The following MYBPH variants were observed in gnomAD, a reference collection of about 807,000 sequenced individuals.
The protein encoded by MYBPH is myosin binding protein H, also known as myosin-binding protein H.
A neutral mutation model predicts 53.6 loss-of-function variants in MYBPH; 49 were observed. That is an observed-to-expected ratio of 0.91 (90% confidence interval 0.73 to 1.16). The LOEUF is 1.16. MYBPH is among the 50% of genes most tolerant of loss of function. The probability of loss-of-function intolerance (pLI) is 0.00; values close to 1 mark genes in which losing one functional copy is unlikely to be tolerated. For missense variants in MYBPH, 558 were observed against 624.1 expected, an observed-to-expected ratio of 0.89 and a Z score of 1.13; for synonymous variants, 239 against 249.6, an observed-to-expected ratio of 0.96 and a Z score of 0.40.
intron 3 of MYBPH, among the ~76,000 whole-genome samples, chr1:203,172,308 G>T (rs773117756): frequency 6.6e-6 from 1 of 152,104 alleles, no homozygotes; most frequent in Non-Finnish European, 1.5e-5. Context: ...CTCCCTTGGC[G>T]CCTCGACTCT....
Position 203,175,802 on chromosome 1 carries a change from G to T in MYBPH, c.-47C>A, listed in dbSNP as rs763638152. The stretch of plus-strand genomic sequence containing the variant: ...AGGGTGGAGTGTGCAGGGGTCAGCC[G>T]TTGGGGGGCCTGGGCCTCTAGGGTG... On this transcript the variant is annotated 5_prime_UTR_variant, in exon 1 of 11. Coordinates refer to ENST00000255416, the MANE Select transcript of MYBPH (RefSeq NM_004997.3). The T allele has an allele frequency of 1.3e-6, 2 of 1,597,416 alleles. No individual in the cohort carries two copies. Among genetic ancestry groups the T allele is most frequent in the Non-Finnish European group, 1.7e-6 (2 of 1,169,198 alleles).
chr1:203,171,546 G>A lies in MYBPH; in HGVS notation c.630C>T (p.His210=). Residue 210 remains histidine, a synonymous_variant, in exon 5 of 11, where the codon CAC becomes CAT. Transcript: ENST00000255416. The surrounding 1 kb of genome is among the most constrained non-coding windows in gnomAD (Gnocchi z 4.2). ...GKPKPQATWT[H]NGHALDSQRV... ...GCTGGCTGTCCAGGGCATGGCCGTTGTGGGTCCATGTGGCCTGAGGCTTAG... is the reference window on the plus strand; with the variant it reads ...GCTGGCTGTCCAGGGCATGGCCGTTATGGGTCCATGTGGCCTGAGGCTTAG... 1 of 1,613,204 alleles carries A rather than the reference G, an allele frequency of 6.2e-7. No homozygotes were observed. Among genetic ancestry groups the A allele is most frequent in the Non-Finnish European group, 8.5e-7 (1 of 1,179,870 alleles).
intron 8 of MYBPH, 34 bp downstream of exon 8, chr1:203,169,219 C>G (rs377238942): frequency 6.3e-7 from 1 of 1,582,616 alleles, no homozygotes; most frequent in African/African-American, 1.3e-5. Context: ...CCTGCCCCCA[C>G]CAGCCCAGGG....
At chr1:203,173,204 G>C (rs911160981) in intron 3 of MYBPH, among the ~76,000 whole-genome samples, 1 of 152,220 alleles carries the variant, frequency 6.6e-6, no homozygotes, top group Non-Finnish European at 1.5e-5. Context: ...GGCCTCAGGG[G>C]CCTCTCAGAG....
intron 10 of MYBPH, 129 bp downstream of exon 10, chr1:203,168,498 T>A: frequency 1.1e-6 from 1 of 881,868 alleles, no homozygotes; most frequent in South Asian, 1.4e-5. Flanking sequence ...TAGTTGCCTG[T>A]GTCCACAAGT....
chr1:203,173,432 G>T (rs1339273202), intron 3 of MYBPH, among the ~76,000 whole-genome samples: 1 of 152,234 alleles, frequency 6.6e-6, no homozygotes, highest in Non-Finnish European at 1.5e-5. Flanking sequence ...GAGTGGTCCT[G>T]TGTAGGCATC....
chr1:203,171,893 C>T lies in MYBPH; in HGVS notation c.597+59G>A, dbSNP rs892793989. On this transcript the variant is annotated intron_variant, in intron 4 of 10. Transcript: ENST00000255416. This position sits in a 1 kb window ranked among gnomAD's most constrained non-coding sequence, Gnocchi z 4.2. ...AGACCCTGCCATCTCCCAGGCTCCCCTTAAATGGGGGCCCTGGTTCCCACC... is the reference window on the plus strand; with the variant it reads ...AGACCCTGCCATCTCCCAGGCTCCCTTTAAATGGGGGCCCTGGTTCCCACC... 3.5e-6 allele frequency: 4 copies of T among 1,148,670 alleles called. No homozygotes were observed. In the African/African-American group the frequency reaches 6.4e-5, roughly 18 times the overall value. The allele number at this position is 1,148,670 out of a possible 1,614,324, so 71.2% of individuals were successfully genotyped here.
At chr1:203,172,623 C>T (rs755144706) in intron 3 of MYBPH, among the ~76,000 whole-genome samples, 1 of 152,202 alleles carries the variant, frequency 6.6e-6, no homozygotes, top group Non-Finnish European at 1.5e-5. Context: ...TCCTCTGTCA[C>T]CCTCCCAAAA....
chr1:203,170,980 C>T, intron 6 of MYBPH, 81 bp downstream of exon 6: 8 of 1,503,032 alleles, frequency 5.3e-6, no homozygotes, highest in Non-Finnish European at 5.3e-6. Context: ...TAGACTCGGT[C>T]CCTAGACTCA....
chr1:203,172,173 G>A (rs1655713707), intron 3 of MYBPH, 133 bp from the exon 4 acceptor site: 1 of 474,020 alleles, frequency 2.1e-6, no homozygotes, highest in East Asian at 3.5e-5. Flanking sequence ...GCTGCCATGG[G>A]GTCCCTCCTT....
chr1:203,172,100 G>T, intron 3 of MYBPH, 60 bp from the exon 4 acceptor site: 1 of 1,085,482 alleles, frequency 9.2e-7, no homozygotes, highest in Non-Finnish European at 1.2e-6. Flanking sequence ...TGGGGTTTCT[G>T]AGATGGGGCA....
At position 203,168,967 on chromosome 1, in the gene MYBPH, G is replaced by C. The variant is rs765166441; in HGVS notation, c.1356C>G (p.Tyr452Ter). 2.5e-6 allele frequency: 4 copies of C among 1,613,902 alleles called. No individual in the cohort carries two copies. The East Asian group carries it at 8.9e-5, about 36-fold the overall frequency. ...RKPSPFDSGV[Y>*]TCKAINVLGE... is the part of the protein sequence containing the mutation. The stretch of plus-strand genomic sequence containing the variant: ...CCAGCACATTTATGGCCTTGCAGGT[G>C]TAGACCCCAGAATCAAAGGGGCTGG... Residue 452 changes from tyrosine to a stop codon, truncating the protein, a stop_gained, in exon 9 of 11, where the codon TAC becomes TAG. Transcript: ENST00000255416. LOFTEE classifies it high-confidence loss of function.
chr1:203,174,414 C>A lies in MYBPH; in HGVS notation c.508+16G>T. On this transcript the variant is annotated intron_variant, in intron 3 of 10. Coordinates refer to ENST00000255416, the MANE Select transcript of MYBPH (RefSeq NM_004997.3). Reference sequence around the variant, plus strand: ...TTGGGAAGGGCTGGGTAGCTGAAGGCCAGGATGGGCTTTACCAATGTTCTC... The same window carrying A: ...TTGGGAAGGGCTGGGTAGCTGAAGGACAGGATGGGCTTTACCAATGTTCTC... 6.4e-7 allele frequency: 1 copy of A among 1,563,758 alleles called. No homozygotes were observed. Among genetic ancestry groups the A allele is most frequent in the Non-Finnish European group, 8.7e-7 (1 of 1,146,746 alleles).
At position 203,168,949 on chromosome 1, in the gene MYBPH, A is replaced by T. The variant is rs766142132; in HGVS notation, c.1374T>A (p.Asn458Lys). Reference protein sequence around the residue: ...DSGVYTCKAINVLGEASVDCR... With the variant: ...DSGVYTCKAIKVLGEASVDCR... Reference sequence around the variant, plus strand: ...AGTCCACAGATGCCTCCCCCAGCACATTTATGGCCTTGCAGGTGTAGACCC... The same window carrying T: ...AGTCCACAGATGCCTCCCCCAGCACTTTTATGGCCTTGCAGGTGTAGACCC... The change falls in exon 9 of 11, where the codon AAT becomes AAA. Residue 458 changes from asparagine (N) to lysine (K), a missense_variant. By Grantham distance (94) the Asn-to-Lys change is moderately conservative. Coordinates refer to ENST00000255416, the MANE Select transcript of MYBPH (RefSeq NM_004997.3). The T allele has an allele frequency of 1.9e-6, 3 of 1,613,986 alleles. No individual in the cohort carries two copies. The highest frequency in any genetic ancestry group is 1.7e-6 in the Non-Finnish European group (2 of 1,180,018).
At chr1:203,176,431 C>T (rs953282555), upstream of MYBPH, among the ~76,000 whole-genome samples, 12 of 152,184 alleles carry the variant, frequency 7.9e-5, no homozygotes, top group African/African-American at 2.9e-4. Flanking sequence ...AGTCTCCTGG[C>T]TCCTGTCTCA....
intron 10 of MYBPH, among the ~76,000 whole-genome samples, 168 bp downstream of exon 10, chr1:203,168,459 C>T (rs184489478): frequency 7.2e-5 from 11 of 152,322 alleles, no homozygotes; most frequent in Admixed American, 3.9e-4. Context: ...GGCCCTGCAA[C>T]ATCACTGTGA....
chr1:203,168,734 G>T, intron 9 of MYBPH, 59 bp from the exon 10 acceptor site: 2 of 1,600,754 alleles, frequency 1.2e-6, no homozygotes, highest in Non-Finnish European at 1.7e-6. Context: ...GAAAGTTCAC[G>T]GTTATACACC....
At position 203,175,420 on chromosome 1, in the gene MYBPH, T is replaced by C; in HGVS notation, c.247A>G (p.Ser83Gly). 6.4e-7 allele frequency: 1 copy of C among 1,558,856 alleles called. No homozygotes were observed. Among genetic ancestry groups the C allele is most frequent in the Non-Finnish European group, 8.7e-7 (1 of 1,151,782 alleles). The change falls in exon 2 of 11, where the codon AGC becomes GGC. Residue 83 changes from serine (S) to glycine (G), a missense_variant. By Grantham distance (56) the Ser-to-Gly change is moderately conservative. Transcript: ENST00000255416. ...CAGCTCACAGTCACAGAGCTGCTGC[T>C]CACATCATCCAGGGTCAGCAGCAGT... is the stretch of plus-strand genomic sequence containing the variant. ...APLLLTLDDV[S>G]SSSVTVSWEP...
chr1:203,174,457 G>C lies in MYBPH; in HGVS notation c.481C>G (p.Gln161Glu). ...ATGTTCTCTCGGATGTGGATGGGCT[G>C]GTCCAGCATGGCCGGCGGGCCAGCC... ...AGAGPPAMLD[Q>E]PIHIRENIEA... The change falls in exon 3 of 11, where the codon CAG becomes GAG. Residue 161 changes from glutamine (Q) to glutamate (E), a missense_variant. By Grantham distance (29) the Gln-to-Glu change is conservative (BLOSUM62 2). Coordinates refer to ENST00000255416, the MANE Select transcript of MYBPH (RefSeq NM_004997.3). 2 of 1,607,578 alleles carry C rather than the reference G, an allele frequency of 1.2e-6. No individual in the cohort carries two copies. The highest frequency in any genetic ancestry group is 1.7e-6 in the Non-Finnish European group (2 of 1,175,132).
Sources: gnomAD v4.1 joint callset for allele counts (sites outside exome capture counted in the v4.1 genomes callset) on GRCh38, gnomAD v4.1.1 for gene constraint, Gnocchi (gnomAD v3.1) non-coding constraint, MANE v1.5 for transcripts, NCBI Gene and HGNC (gene_info 2026-07-23, HGNC 2026-07-21) for gene names.